The following PALS2 variants were observed in gnomAD, a reference collection of about 807,000 sequenced individuals.
PALS2 encodes the protein protein associated with LIN7 2, MAGUK p55 family member.
PALS2 carries 27 observed loss-of-function variants against 61.6 expected under a neutral mutation model. The ratio of observed to expected loss-of-function variants is 0.44; its 90% CI spans 0.32 to 0.60. PALS2 has a LOEUF of 0.60. Ranked by LOEUF, PALS2 falls within the 20% of genes least tolerant of loss-of-function variation. The pLI, the probability that PALS2 is intolerant of heterozygous loss-of-function variation, is 0.05. For missense variants in PALS2, 554 were observed against 639.4 expected (o/e 0.87, Z 1.44); for synonymous variants, 236 against 218.6 (o/e 1.08, Z -0.70).
At chr7:24,676,269 A>G (rs984209416) in intron 9 of PALS2, among the ~76,000 whole-genome samples, 1 of 151,454 alleles carries the variant, frequency 6.6e-6, no homozygotes, top group African/African-American at 2.4e-5. Flanking sequence ...TAGATTCTGG[A>G]TATTAGCCCT....
chr7:24,599,482 T>C (rs773844809), intron 1 of PALS2, among the ~76,000 whole-genome samples: 5 of 151,798 alleles, frequency 3.3e-5, no homozygotes, highest in Non-Finnish European at 4.4e-5. Flanking sequence ...AAAAATATTT[T>C]CTTTTTTAAT....
intron 3 of PALS2, among the ~76,000 whole-genome samples, chr7:24,642,565 T>A (rs1177005199): frequency 6.6e-6 from 1 of 152,136 alleles, no homozygotes; most frequent in East Asian, 1.9e-4. Flanking sequence ...GGACACTGCA[T>A]TTTCGTGGAA....
At chr7:24,598,808 G>A (rs1238439245) in intron 1 of PALS2, among the ~76,000 whole-genome samples, 1 of 152,136 alleles carries the variant, frequency 6.6e-6, no homozygotes, top group African/African-American at 2.4e-5. Context: ...TCTCTGTCTT[G>A]TTAATGTGAG....
chr7:24,623,851 A>T lies in PALS2; in HGVS notation c.117+67A>T, dbSNP rs1324184380. ...TTAGTTTTTATAGAGATATTTTCAG[A>T]TATTACTATTTTAGAATTTGGTTGA... On this transcript the variant is annotated intron_variant, in intron 2 of 11. Coordinates refer to ENST00000222644, the MANE Select transcript of PALS2 (RefSeq NM_001303037.2). 7.4e-6 allele frequency: 9 copies of T among 1,219,050 alleles called. No homozygotes were observed. In the African/African-American group the frequency reaches 1.1e-4, roughly 15 times the overall value. The allele number at this position is 1,219,050 out of a possible 1,614,324, so 75.5% of individuals were successfully genotyped here.
At chr7:24,607,891 A>G (rs1049935720) in intron 1 of PALS2, among the ~76,000 whole-genome samples, 2 of 152,144 alleles carry the variant, frequency 1.3e-5, no homozygotes, top group Admixed American at 1.3e-4. Flanking sequence ...ATGTAAATAA[A>G]AATTGATGTA....
chr7:24,595,648 A>G (rs1783496052), intron 1 of PALS2, among the ~76,000 whole-genome samples: 2 of 147,984 alleles, frequency 1.4e-5, no homozygotes, highest in Non-Finnish European at 3.0e-5. Context: ...CAGAGGAGAC[A>G]GAACAATGAG....
intron 3 of PALS2, among the ~76,000 whole-genome samples, chr7:24,644,072 C>T (rs1387750922): frequency 1.3e-5 from 2 of 150,790 alleles, no homozygotes; most frequent in Admixed American, 1.3e-4. Context: ...ATAATCCTTG[C>T]CTAAATCAAT....
chr7:24,662,768 G>GAAAAAAAAAAAAAAAAAA (rs59367702), intron 5 of PALS2, among the ~76,000 whole-genome samples: 1 of 102,644 alleles, frequency 9.7e-6, no homozygotes, highest in African/African-American at 3.0e-5. Flanking sequence ...GACTCCATCT[G>GAAAAAAAAAAAAAAAAAA]AAAAAAAAAA....
chr7:24,693,759 A>G lies in PALS2; in HGVS notation c.*6145A>G, dbSNP rs1256986811. On this transcript the variant is annotated 3_prime_UTR_variant, in exon 12 of 12. Coordinates refer to ENST00000222644, the MANE Select transcript of PALS2 (RefSeq NM_001303037.2). ...ACTGATTTTTTTTTAAAGAAGTGAT[A>G]TGTTGGACTCTGTTGTAGAAGAATG... 3 of 152,218 alleles carry G rather than the reference A, an allele frequency of 2.0e-5. No homozygotes were observed. Among genetic ancestry groups the G allele is most frequent in the African/African-American group, 4.8e-5 (2 of 41,528 alleles). 9.4% of individuals were successfully genotyped at this position (152,218 alleles called of 1,614,324 possible). A position where few individuals can be genotyped will look rare whatever the true frequency, so the allele number is the denominator to read the frequency against.
chr7:24,686,456 C>G (rs1379372990), intron 11 of PALS2, among the ~76,000 whole-genome samples: 1 of 152,198 alleles, frequency 6.6e-6, no homozygotes, highest in East Asian at 1.9e-4. Context: ...TTTCCTTCCT[C>G]TGGATTTTGC....
At chr7:24,613,145 A>G (rs1442764266) in intron 1 of PALS2, among the ~76,000 whole-genome samples, 3 of 151,706 alleles carry the variant, frequency 2.0e-5, no homozygotes, top group Non-Finnish European at 3.0e-5. Flanking sequence ...GAAAGCTTTC[A>G]GTCTTTTCTG....
intron 8 of PALS2, among the ~76,000 whole-genome samples, chr7:24,667,582 GATA>G (rs1375199312): frequency 1.3e-5 from 2 of 150,400 alleles, no homozygotes; most frequent in Non-Finnish European, 3.0e-5. Flanking sequence ...CTGGCAAATT[GATA>G]ATAAGTTTCA....
chr7:24,630,286 CAT>C (rs946120108), intron 2 of PALS2, among the ~76,000 whole-genome samples: 1 of 151,990 alleles, frequency 6.6e-6, no homozygotes, highest in Non-Finnish European at 1.5e-5. Context: ...CAATGAAGAA[CAT>C]ATGGACACAG....
chr7:24,642,231 T>C (rs1267928636), intron 3 of PALS2, among the ~76,000 whole-genome samples: 1 of 152,174 alleles, frequency 6.6e-6, no homozygotes, highest in Non-Finnish European at 1.5e-5. Flanking sequence ...CAATACTTTT[T>C]AGTATTGCTT....
intron 2 of PALS2, among the ~76,000 whole-genome samples, chr7:24,625,781 C>T (rs1020509677): frequency 1.3e-5 from 2 of 151,884 alleles, no homozygotes; most frequent in Non-Finnish European, 2.9e-5. Flanking sequence ...TGAAATAAAG[C>T]AAAGAGTTAT....
intron 3 of PALS2, among the ~76,000 whole-genome samples, chr7:24,643,493 CTT>C (rs369186559): frequency 6.6e-6 from 1 of 152,066 alleles, no homozygotes; most frequent in Non-Finnish European, 1.5e-5. Flanking sequence ...TTAACTTACT[CTT>C]TTTTTAAGTT....
chr7:24,603,101 C>T (rs1783776506), intron 1 of PALS2, among the ~76,000 whole-genome samples: 1 of 152,184 alleles, frequency 6.6e-6, no homozygotes, highest in South Asian at 2.1e-4. Context: ...GAAGGCATCC[C>T]TCTGTAAACC....
At chr7:24,639,814 A>ATTTTTTTTTTTTTTTTTTTTTTTTTT (rs61073575) in intron 2 of PALS2, among the ~76,000 whole-genome samples, 1 of 96,250 alleles carries the variant, frequency 1.0e-5, no homozygotes, top group Non-Finnish European at 1.9e-5. Flanking sequence ...TTCTAGTCTA[A>ATTTTTTTTTTTTTTTTTTTTTTTTTT]TTTTTTTTTT....
At position 24,680,539 on chromosome 7, in the gene PALS2, T is replaced by A. The variant is rs1787867342; in HGVS notation, c.1446+19T>A. ...TCTGACCGTGAGCTAACCATACGAT[T>A]TTCCTTCTAAAATCTTTCCTTTTCT... On this transcript the variant is annotated intron_variant, in intron 11 of 11. Transcript: ENST00000222644. 2 of 1,600,048 alleles carry A rather than the reference T, an allele frequency of 1.2e-6. No individual in the cohort carries two copies.
Sources: gnomAD v4.1 joint callset for allele counts (sites outside exome capture counted in the v4.1 genomes callset) on GRCh38, gnomAD v4.1.1 for gene constraint, MANE v1.5 for transcripts, NCBI Gene and HGNC (gene_info 2026-07-23, HGNC 2026-07-21) for gene names.